The following RYR3 variants were observed in gnomAD, a reference collection of about 807,000 sequenced individuals.
The protein encoded by RYR3 is ryanodine receptor 3, also known as brain ryanodine receptor-calcium release channel.
A neutral mutation model predicts 584.3 loss-of-function variants in RYR3; 207 were observed. That is an observed-to-expected ratio of 0.35 (90% CI 0.32 to 0.40). The LOEUF is 0.40. Among genes scored for constraint, RYR3 ranks in the 10% least tolerant of loss-of-function variants. RYR3 has a pLI of 1.00. For synonymous variants in RYR3, 2,416 were observed against 2,248.5 expected (o/e 1.07, Z -2.11); for missense variants, 5,616 against 6,089.2 (o/e 0.92, Z 2.59).
At chr15:33,703,378 A>T (rs998644260) in intron 42 of RYR3, among the ~76,000 whole-genome samples, 6 of 151,886 alleles carry the variant, frequency 4.0e-5, no homozygotes, top group African/African-American at 1.4e-4. Context: ...ATTTTCTCAC[A>T]GTTCTGGAAG....
At chr15:33,758,958 A>G (rs1169975670) in intron 60 of RYR3, among the ~76,000 whole-genome samples, 1 of 152,200 alleles carries the variant, frequency 6.6e-6, no homozygotes, top group Non-Finnish European at 1.5e-5. Context: ...GAAAGCAGCA[A>G]TCTTTGCTGT....
At chr15:33,712,291 A>G (rs1169339180) in intron 43 of RYR3, among the ~76,000 whole-genome samples, 4 of 152,198 alleles carry the variant, frequency 2.6e-5, no homozygotes, top group Non-Finnish European at 4.4e-5. Flanking sequence ...ACAATTCAAC[A>G]TGAGATTTGG....
At chr15:33,456,564 C>T (rs947231643) in intron 1 of RYR3, among the ~76,000 whole-genome samples, 6 of 152,070 alleles carry the variant, frequency 3.9e-5, no homozygotes, top group South Asian at 2.1e-4. Flanking sequence ...CAGTGGCTCC[C>T]GAGGTGCTTC....
chr15:33,823,485 G>A (rs1204626217), intron 81 of RYR3, among the ~76,000 whole-genome samples: 1 of 152,160 alleles, frequency 6.6e-6, no homozygotes, highest in African/African-American at 2.4e-5. Flanking sequence ...AAACCCACTA[G>A]GTACTTTGTT....
chr15:33,546,326 G>A (rs1479043190), intron 8 of RYR3, among the ~76,000 whole-genome samples: 5 of 152,138 alleles, frequency 3.3e-5, no homozygotes, highest in Non-Finnish European at 7.3e-5. Flanking sequence ...GCATAAATGA[G>A]AATCTTAGCA....
At chr15:33,467,621 C>A in intron 1 of RYR3, 2 of 219,000 alleles carry the variant, frequency 9.1e-6, no homozygotes, top group Non-Finnish European at 1.5e-5. Flanking sequence ...GAAATCTAAG[C>A]AAAGAGAGCC....
At chr15:33,450,257 T>G (rs1440751667) in intron 1 of RYR3, among the ~76,000 whole-genome samples, 3 of 152,088 alleles carry the variant, frequency 2.0e-5, no homozygotes, top group Non-Finnish European at 2.9e-5. Context: ...TCCTTAGAGA[T>G]AAAAATCCTG....
chr15:33,618,861 G>A (rs889548065), intron 19 of RYR3, among the ~76,000 whole-genome samples: 9 of 152,056 alleles, frequency 5.9e-5, no homozygotes, highest in African/African-American at 2.2e-4. Flanking sequence ...TTTTCTTAAT[G>A]GGTCAATCTT....
intron 12 of RYR3, among the ~76,000 whole-genome samples, chr15:33,578,501 T>G (rs941620045): frequency 1.3e-5 from 2 of 151,774 alleles, no homozygotes; most frequent in Non-Finnish European, 2.9e-5. Flanking sequence ...GCAAACTAAT[T>G]CGGGAACAGA....
chr15:33,551,449 G>A (rs1490187898), intron 10 of RYR3, among the ~76,000 whole-genome samples: 1 of 152,220 alleles, frequency 6.6e-6, no homozygotes, highest in Admixed American at 6.5e-5. Context: ...GAAGAAGATA[G>A]TCAGCACTGT....
chr15:33,746,773 A>C lies in RYR3; in HGVS notation c.7989+616A>C, dbSNP rs145320354. Among the ~76,000 whole-genome samples the C allele has an allele frequency of 2.3e-3, 352 of 151,698 alleles. 9 individuals are homozygous for C. Among genetic ancestry groups the C allele is most frequent in the Admixed American group, 0.016 (246 of 15,260 alleles). ...ATCTCAAAGAAAAGAAAAAGAAAAAATTCAGACAAAAATAATTTCTTTCTT... is the reference window on the plus strand; with the variant it reads ...ATCTCAAAGAAAAGAAAAAGAAAAACTTCAGACAAAAATAATTTCTTTCTT... On this transcript the variant is annotated intron_variant, in intron 53 of 103. Transcript: ENST00000634891.
At chr15:33,712,733 G>A (rs1001736907) in intron 43 of RYR3, among the ~76,000 whole-genome samples, 1 of 152,234 alleles carries the variant, frequency 6.6e-6, no homozygotes, top group African/African-American at 2.4e-5. Context: ...AATCACAACA[G>A]AATGTTACAG....
chr15:33,595,312 T>C (rs746122315), intron 16 of RYR3, among the ~76,000 whole-genome samples: 27 of 152,340 alleles, frequency 1.8e-4, no homozygotes, highest in Non-Finnish European at 3.7e-4. Context: ...TTCAAACTTT[T>C]ATAAACAATT....
intron 53 of RYR3, among the ~76,000 whole-genome samples, chr15:33,746,830 G>A (rs1472322860): frequency 7.0e-6 from 1 of 143,434 alleles, no homozygotes; most frequent in Non-Finnish European, 1.5e-5. Context: ...CTCTTTTGAG[G>A]CAGGGTCTCG....
intron 1 of RYR3, among the ~76,000 whole-genome samples, chr15:33,399,306 G>A (rs577864273): frequency 6.6e-6 from 1 of 152,200 alleles, no homozygotes; most frequent in South Asian, 2.1e-4. Flanking sequence ...CAATAGACTC[G>A]CTGAGCCAGA....
At chr15:33,768,534 C>T (rs2073297350) in intron 60 of RYR3, 124 bp from the exon 61 acceptor site, 2 of 802,264 alleles carry the variant, frequency 2.5e-6, no homozygotes, top group Non-Finnish European at 4.4e-6. Flanking sequence ...GAACATAGTG[C>T]ATCTCCCTAG....
intron 46 of RYR3, among the ~76,000 whole-genome samples, chr15:33,727,398 G>A (rs1462430911): frequency 1.3e-5 from 2 of 152,118 alleles, no homozygotes; most frequent in African/African-American, 4.8e-5. Flanking sequence ...GATATTAATA[G>A]GTGTGCATAT....
intron 1 of RYR3, among the ~76,000 whole-genome samples, chr15:33,336,974 C>G (rs904157571): frequency 1.5e-5 from 2 of 133,904 alleles, no homozygotes; most frequent in African/African-American, 2.8e-5. Flanking sequence ...AGGAGAATGG[C>G]GTGAACCTGG....
chr15:33,467,481 G>C (rs1443376031), intron 1 of RYR3: 1 of 985,062 alleles, frequency 1.0e-6, no homozygotes, highest in African/African-American at 1.7e-5. Flanking sequence ...CTCAGGCTGC[G>C]AGCCAAGGTA....
Sources: gnomAD v4.1 joint callset for allele counts (sites outside exome capture counted in the v4.1 genomes callset) on GRCh38, gnomAD v4.1.1 for gene constraint, MANE v1.5 for transcripts, NCBI Gene and HGNC (gene_info 2026-07-23, HGNC 2026-07-21) for gene names.